The following SYNE1 variants were observed in gnomAD, a reference collection of about 807,000 sequenced individuals.
SYNE1 encodes nesprin-1.
Under a neutral mutation model 1,111.0 loss-of-function variants are expected in SYNE1, and 616 were observed. The observed-to-expected ratio is 0.55, with a 90% confidence interval of 0.52 to 0.59. The LOEUF is 0.59. Ranked by LOEUF, SYNE1 falls within the 20% of genes least tolerant of loss-of-function variation. SYNE1 has a pLI of 0.00. For missense variants in SYNE1, 10,006 were observed against 10,417.0 expected, an observed-to-expected ratio of 0.96 and a Z score of 1.72; for synonymous variants, 3,855 against 3,825.8, an observed-to-expected ratio of 1.01 and a Z score of -0.28.
At chr6:152,431,129 A>G (rs534522402) in intron 34 of SYNE1, among the ~76,000 whole-genome samples, 1 of 152,322 alleles carries the variant, frequency 6.6e-6, no homozygotes, top group East Asian at 1.9e-4. Flanking sequence ...TTTTTCTAAA[A>G]TTCAGTTGAG....
chr6:152,484,739 G>A, intron 13 of SYNE1, 96 bp downstream of exon 13: 1 of 1,335,970 alleles, frequency 7.5e-7, no homozygotes, highest in Non-Finnish European at 1.1e-6. Context: ...AGAGGCAGTA[G>A]AACCTGTTGC....
At chr6:152,358,888 C>T (rs181891526) in intron 65 of SYNE1, among the ~76,000 whole-genome samples, 198 of 152,184 alleles carry the variant, frequency 1.3e-3, no homozygotes, top group African/African-American at 4.5e-3. Context: ...AAGATTTGGA[C>T]GTACTGTGGA....
intron 39 of SYNE1, among the ~76,000 whole-genome samples, chr6:152,420,678 A>G (rs1361799462): frequency 1.3e-5 from 2 of 152,186 alleles, no homozygotes; most frequent in Non-Finnish European, 2.9e-5. Context: ...TGCTAACCCA[A>G]CATTAAGCAG....
intron 130 of SYNE1, among the ~76,000 whole-genome samples, chr6:152,171,978 A>T (rs1250807321): frequency 3.3e-5 from 5 of 152,256 alleles, no homozygotes; most frequent in Non-Finnish European, 7.3e-5. Flanking sequence ...GTAGGCGTTC[A>T]ATCATTTTAA....
chr6:152,331,599 C>T lies in SYNE1; in HGVS notation c.13086G>A (p.Glu4362=). The change falls in exon 78 of 146, where the codon GAG becomes GAA. Residue 4362 remains glutamate (E), a synonymous_variant. Transcript: ENST00000367255. Reference sequence around the variant, plus strand: ...GGGCCTCGGCGATGTTGGGTTGTTGCTCTTCTGCCCACTCCATTAGCTCCT... The same window carrying T: ...GGGCCTCGGCGATGTTGGGTTGTTGTTCTTCTGCCCACTCCATTAGCTCCT... ...RFQELMEWAE[E]QQPNIAEALK... 6.2e-7 allele frequency: 1 copy of T among 1,614,178 alleles called. No homozygotes were observed. Among genetic ancestry groups the T allele is most frequent in the East Asian group, 2.2e-5 (1 of 44,876 alleles).
intron 130 of SYNE1, among the ~76,000 whole-genome samples, chr6:152,168,572 A>G (rs1040970882): frequency 2.0e-5 from 3 of 152,228 alleles, no homozygotes; most frequent in African/African-American, 7.2e-5. Flanking sequence ...TCTTGCGGGC[A>G]GTTTGTTATG....
chr6:152,352,024 T>C lies in SYNE1; in HGVS notation c.11580+3A>G. 6.2e-7 allele frequency: 1 copy of C among 1,612,974 alleles called. No individual in the cohort carries two copies. Among genetic ancestry groups the C allele is most frequent in the Non-Finnish European group, 8.5e-7 (1 of 1,179,238 alleles). ...TGCATCTGTCAATGAGTAAACACAC[T>C]ACCTTGTATTTAGATAACTGAGCTT... On this transcript the variant is annotated splice_donor_region_variant and intron_variant, in intron 70 of 145. Coordinates refer to ENST00000367255, the MANE Select transcript of SYNE1 (RefSeq NM_182961.4).
At chr6:152,346,735 G>A (rs1471295139) in intron 73 of SYNE1, among the ~76,000 whole-genome samples, 5 of 152,032 alleles carry the variant, frequency 3.3e-5, no homozygotes, top group Admixed American at 1.3e-4. Context: ...GCGTGAACCT[G>A]GGAGGCGGAG....
intron 3 of SYNE1, among the ~76,000 whole-genome samples, chr6:152,581,426 G>C (rs140047252): frequency 2.5e-3 from 379 of 152,294 alleles, no homozygotes; most frequent in African/African-American, 8.3e-3. Flanking sequence ...TGTCATTCCA[G>C]AAATATTTAC....
chr6:152,467,951 C>T (rs7774762), intron 16 of SYNE1, among the ~76,000 whole-genome samples: 5,005 of 152,100 alleles, frequency 0.033, 285 homozygotes, highest in African/African-American at 0.11. Flanking sequence ...TTTAGACACA[C>T]CTGTCAGAAA....
chr6:152,522,018 C>T (rs1300356861), intron 5 of SYNE1, among the ~76,000 whole-genome samples: 1 of 151,944 alleles, frequency 6.6e-6, no homozygotes, highest in Non-Finnish European at 1.5e-5. Context: ...TTTGTATAGG[C>T]CATGAGATAA....
intron 68 of SYNE1, 36 bp downstream of exon 68, chr6:152,353,553 T>C (rs775279042): frequency 3.7e-6 from 6 of 1,614,104 alleles, no homozygotes; most frequent in Middle Eastern, 3.3e-4. Context: ...TGGCGAAGTT[T>C]GCTGGTCTAT....
intron 109 of SYNE1, 90 bp downstream of exon 109, chr6:152,236,727 C>T (rs1245518421): frequency 2.7e-6 from 4 of 1,455,322 alleles, no homozygotes; most frequent in Admixed American, 3.4e-5. Flanking sequence ...AGTAAAAGTA[C>T]TAATAAAATA....
chr6:152,301,798 A>T, intron 92 of SYNE1, 71 bp downstream of exon 92: 7 of 1,483,388 alleles, frequency 4.7e-6, no homozygotes, highest in Non-Finnish European at 5.4e-6. Context: ...TCAGCCACGG[A>T]GAGGGAACAT....
chr6:152,248,905 T>C (rs576756384), intron 105 of SYNE1, among the ~76,000 whole-genome samples: 1 of 152,334 alleles, frequency 6.6e-6, no homozygotes, highest in African/African-American at 2.4e-5. Flanking sequence ...ATCTCATCAT[T>C]GGGCAGAAAA....
Position 152,425,458 on chromosome 6 carries a change from A to T in SYNE1, c.5190T>A (p.Asp1730Glu), listed in dbSNP as rs111250109. Residue 1730 changes from aspartate to glutamate, a missense_variant, in exon 39 of 146, where the codon GAT becomes GAA. By Grantham distance (45) the Asp-to-Glu change is conservative. Coordinates refer to ENST00000367255, the MANE Select transcript of SYNE1 (RefSeq NM_182961.4). Reference sequence around the variant, plus strand: ...AATGTAGTTTCATCATTTTCACATCATCTTTGGAGGCTACTGAGAACAATG... The same window carrying T: ...AATGTAGTTTCATCATTTTCACATCTTCTTTGGAGGCTACTGAGAACAATG... ...KESLFSVASK[D>E]DVKMMKLHLE... The T allele has an allele frequency of 0.046, 73,934 of 1,614,108 alleles. 1,838 individuals carry two copies. Among genetic ancestry groups the T allele is most frequent in the Non-Finnish European group, 0.049 (58,091 of 1,179,980 alleles).
chr6:152,450,807 A>T lies in SYNE1; in HGVS notation c.3213T>A (p.His1071Gln). The change falls in exon 27 of 146, where the codon CAT (histidine) becomes CAA (glutamine). Residue 1071 changes from histidine to glutamine, a missense_variant. His to Gln is a conservative substitution (Grantham distance 24, BLOSUM62 0). Coordinates refer to ENST00000367255, the MANE Select transcript of SYNE1 (RefSeq NM_182961.4). The part of the protein sequence containing the change: ...HRVFFSDKGP[H>Q]HLCEKRLQLI... ...GCTGTAACCTTTTCTCACAGAGATG[A>T]TGAGGACCTTTGTCACTGAAGAAAA... 2 of 1,614,124 alleles carry T rather than the reference A, an allele frequency of 1.2e-6. No individual in the cohort carries two copies. The highest frequency in any genetic ancestry group is 1.7e-6 in the Non-Finnish European group (2 of 1,180,024).
At chr6:152,235,886 C>T (rs1037025318) in intron 110 of SYNE1, among the ~76,000 whole-genome samples, 2 of 152,104 alleles carry the variant, frequency 1.3e-5, no homozygotes, top group Non-Finnish European at 2.9e-5. Context: ...GGACCACAGG[C>T]ATGTGCCACC....
chr6:152,219,987 C>T (rs914849058), intron 119 of SYNE1, among the ~76,000 whole-genome samples: 7 of 152,186 alleles, frequency 4.6e-5, no homozygotes, highest in South Asian at 2.1e-4. Context: ...GGGCTCTTTA[C>T]GCTTGACACA....
Sources: allele counts gnomAD v4.1 joint callset (sites outside exome capture counted in the v4.1 genomes callset), GRCh38; gene constraint gnomAD v4.1.1; transcripts MANE v1.5; gene names NCBI Gene and HGNC (gene_info 2026-07-23, HGNC 2026-07-21).